The following FRMD4A variants were observed in gnomAD, a reference collection of about 807,000 sequenced individuals.
FRMD4A encodes FERM domain-containing protein 4A.
Under a neutral mutation model 129.1 loss-of-function variants are expected in FRMD4A, and 29 were observed. The observed-to-expected ratio is 0.22, with a 90% CI of 0.17 to 0.31. FRMD4A has a LOEUF of 0.31. Among genes scored for constraint, FRMD4A ranks in the 10% least tolerant of loss-of-function variants. FRMD4A has a pLI of 1.00. For missense variants in FRMD4A, 1,272 were observed against 1,375.8 expected, an observed-to-expected ratio of 0.92 and a Z score of 1.19; for synonymous variants, 634 against 571.6, an observed-to-expected ratio of 1.11 and a Z score of -1.56.
rs568268133 is a variant in FRMD4A, at chr10:14,304,964, G to A, written c.45+25094C>T. The stretch of plus-strand genomic sequence containing the variant: ...TCACAGTGGAAACGGGTTTGATAAA[G>A]CTTCCCTTTTTTGTTTCCCTGCATT... On this transcript the variant is annotated intron_variant, in intron 2 of 24. Coordinates refer to ENST00000357447, the MANE Select transcript of FRMD4A (RefSeq NM_018027.5). Among the ~76,000 whole-genome samples, 4 of 152,312 alleles carry A rather than the reference G, an allele frequency of 2.6e-5. No homozygotes were observed. In the East Asian group the frequency reaches 5.8e-4, roughly 22 times the overall value.
At chr10:13,849,776 G>A (rs868584290) in intron 3 of FRMD4A, among the ~76,000 whole-genome samples, 1 of 151,624 alleles carries the variant, frequency 6.6e-6, no homozygotes, top group Non-Finnish European at 1.5e-5. Context: ...ACAGCACCTG[G>A]CCATCTCTTG....
At chr10:14,071,517 C>T (rs1001793461) in intron 2 of FRMD4A, among the ~76,000 whole-genome samples, 1 of 152,122 alleles carries the variant, frequency 6.6e-6, no homozygotes, top group African/African-American at 2.4e-5. Flanking sequence ...AATTTTCCAT[C>T]ATCCGAAAAC....
intron 2 of FRMD4A, among the ~76,000 whole-genome samples, chr10:14,036,716 G>A (rs1049415737): frequency 1.3e-5 from 2 of 152,092 alleles, no homozygotes; most frequent in African/African-American, 4.8e-5. Context: ...CCGAGTAGCT[G>A]GAATTACAGG....
At chr10:14,208,312 G>C (rs1269858868) in intron 2 of FRMD4A, among the ~76,000 whole-genome samples, 1 of 152,188 alleles carries the variant, frequency 6.6e-6, no homozygotes, top group African/African-American at 2.4e-5. Context: ...GAGGGATAAA[G>C]TGTGTTGTTC....
chr10:13,994,322 G>T (rs1283256071), intron 2 of FRMD4A, among the ~76,000 whole-genome samples: 1 of 151,938 alleles, frequency 6.6e-6, no homozygotes, highest in African/African-American at 2.4e-5. Flanking sequence ...TGGGACTACA[G>T]GCGTGCCCCA....
intron 22 of FRMD4A, chr10:13,655,711 C>T (rs1175867321): frequency 3.3e-5 from 5 of 152,236 alleles, no homozygotes. Context: ...TTCCCCCGAT[C>T]TTTACCAAAT....
intron 2 of FRMD4A, among the ~76,000 whole-genome samples, chr10:13,871,957 C>A (rs970241494): frequency 6.6e-6 from 1 of 152,266 alleles, no homozygotes; most frequent in Non-Finnish European, 1.5e-5. Context: ...CCTGGCTTCA[C>A]CACTTCCTAG....
intron 2 of FRMD4A, among the ~76,000 whole-genome samples, chr10:14,188,538 T>A (rs1448657385): frequency 2.0e-5 from 3 of 152,318 alleles, no homozygotes; most frequent in Middle Eastern, 3.4e-3. Context: ...ATCCAAACTT[T>A]AATCAAAGAG....
At chr10:14,186,388 C>A (rs199722431) in intron 2 of FRMD4A, among the ~76,000 whole-genome samples, 81 of 152,304 alleles carry the variant, frequency 5.3e-4, no homozygotes, top group African/African-American at 1.9e-3. Flanking sequence ...TAGGTTTCCC[C>A]TTTCCTTCCA....
intron 2 of FRMD4A, among the ~76,000 whole-genome samples, chr10:13,906,922 A>G (rs1684640597): frequency 6.6e-6 from 1 of 152,222 alleles, no homozygotes; most frequent in African/African-American, 2.4e-5. Context: ...CCCGTCAGTC[A>G]CATCTAAAGG....
chr10:14,069,164 G>A (rs1457116883), intron 2 of FRMD4A, among the ~76,000 whole-genome samples: 6 of 152,166 alleles, frequency 3.9e-5, no homozygotes, highest in Admixed American at 3.3e-4. Context: ...GTTTGGCTAA[G>A]TCAGTGTTGG....
chr10:13,937,099 G>T (rs1037706699), intron 2 of FRMD4A, among the ~76,000 whole-genome samples: 4 of 152,218 alleles, frequency 2.6e-5, no homozygotes, highest in Non-Finnish European at 4.4e-5. Flanking sequence ...GGTTGCAAAT[G>T]TTCTCTGGGG....
chr10:14,076,555 G>T (rs190754889), intron 2 of FRMD4A, among the ~76,000 whole-genome samples: 120 of 152,186 alleles, frequency 7.9e-4, no homozygotes, highest in African/African-American at 2.7e-3. Context: ...CAGGAGAACC[G>T]CGTGAACCCG....
intron 2 of FRMD4A, among the ~76,000 whole-genome samples, chr10:13,981,878 T>G (rs1392971956): frequency 1.3e-5 from 2 of 151,792 alleles, no homozygotes; most frequent in Admixed American, 6.6e-5. Context: ...GACCTGCAGG[T>G]AGAAGCAGGT....
At chr10:14,306,569 C>T (rs997357781) in intron 2 of FRMD4A, among the ~76,000 whole-genome samples, 1 of 152,210 alleles carries the variant, frequency 6.6e-6, no homozygotes. Context: ...AAAACACAGG[C>T]CCTCTCTACC....
At chr10:13,652,903 T>G (rs1185235692) in intron 23 of FRMD4A, 2 of 152,130 alleles carry the variant, frequency 1.3e-5, no homozygotes, top group Non-Finnish European at 2.9e-5. Flanking sequence ...CTCGTGCTGC[T>G]GGCTTTGGGA....
At chr10:13,919,313 T>A (rs2095044372) in intron 2 of FRMD4A, among the ~76,000 whole-genome samples, 3 of 152,242 alleles carry the variant, frequency 2.0e-5, no homozygotes, top group Non-Finnish European at 4.4e-5. Flanking sequence ...ATCATGGTAC[T>A]AATGAGTTAA....
At chr10:14,020,901 G>A (rs1042767465) in intron 2 of FRMD4A, among the ~76,000 whole-genome samples, 7 of 152,090 alleles carry the variant, frequency 4.6e-5, no homozygotes, top group African/African-American at 1.7e-4. Context: ...TGCAGCAGGC[G>A]ACTTAAAACA....
intron 2 of FRMD4A, among the ~76,000 whole-genome samples, chr10:14,115,346 T>C (rs1217505949): frequency 6.6e-6 from 1 of 152,252 alleles, no homozygotes; most frequent in African/African-American, 2.4e-5. Flanking sequence ...CTCTTATCAC[T>C]TATTTCATAG....
Sources: allele counts gnomAD v4.1 joint callset (sites outside exome capture counted in the v4.1 genomes callset), GRCh38; gene constraint gnomAD v4.1.1; transcripts MANE v1.5; gene names NCBI Gene and HGNC (gene_info 2026-07-23, HGNC 2026-07-21).